RASGRF2: variants seen among roughly 807,000 people sequenced by gnomAD.
The protein encoded by RASGRF2 is ras-specific guanine nucleotide-releasing factor 2.
A neutral mutation model predicts 151.0 loss-of-function variants in RASGRF2; 76 were observed. That is an observed-to-expected ratio of 0.50 (90% confidence interval 0.42 to 0.61). The LOEUF (loss-of-function observed/expected upper bound fraction) is 0.61, where lower values mean the gene tolerates loss of function less well. RASGRF2 is among the 20% of genes least tolerant of loss of function. The probability of loss-of-function intolerance (pLI) is 0.00; values close to 1 mark genes in which losing one functional copy is unlikely to be tolerated. For missense variants in RASGRF2, 1,148 were observed against 1,564.6 expected, an observed-to-expected ratio of 0.73 and a Z score of 4.49; for synonymous variants, 504 against 566.5, an observed-to-expected ratio of 0.89 and a Z score of 1.57.
chr5:81,188,727 CA>C (rs1457984752), intron 18 of RASGRF2, among the ~76,000 whole-genome samples: 1 of 152,112 alleles, frequency 6.6e-6, no homozygotes, highest in Non-Finnish European at 1.5e-5. Flanking sequence ...TTGTTATTAC[CA>C]CTGCTTTACA....
chr5:81,058,775 C>CAAAAAA (rs56875865), intron 2 of RASGRF2, among the ~76,000 whole-genome samples: 33 of 70,092 alleles, frequency 4.7e-4, no homozygotes, highest in African/African-American at 7.5e-4. Context: ...GGCCCTGTAT[C>CAAAAAA]AAAAAAAAAA....
chr5:81,048,976 A>G (rs1049730271), intron 2 of RASGRF2, among the ~76,000 whole-genome samples: 5 of 152,176 alleles, frequency 3.3e-5, no homozygotes, highest in Admixed American at 3.3e-4. Flanking sequence ...TTGCTCTCCT[A>G]GGCACGCAGC....
chr5:81,094,548 A>G (rs1752489005), intron 11 of RASGRF2, among the ~76,000 whole-genome samples, 186 bp downstream of exon 11: 1 of 152,216 alleles, frequency 6.6e-6, no homozygotes, highest in Admixed American at 6.5e-5. Flanking sequence ...ATTCAGTGGC[A>G]GATAGAGAAG....
intron 3 of RASGRF2, among the ~76,000 whole-genome samples, chr5:81,068,600 T>G (rs1580276761): frequency 6.6e-6 from 1 of 152,182 alleles, no homozygotes; most frequent in Non-Finnish European, 1.5e-5. Flanking sequence ...CTCTTTTAGA[T>G]TTGAAGGAGT....
At chr5:81,144,306 G>A (rs1753953718) in intron 17 of RASGRF2, among the ~76,000 whole-genome samples, 1 of 152,190 alleles carries the variant, frequency 6.6e-6, no homozygotes, top group African/African-American at 2.4e-5. Context: ...AAACTTCTAA[G>A]GTCTATGGTA....
intron 1 of RASGRF2, among the ~76,000 whole-genome samples, chr5:80,979,245 T>A (rs1201362287): frequency 6.6e-6 from 1 of 152,124 alleles, no homozygotes; most frequent in Non-Finnish European, 1.5e-5. Context: ...ATTGAAAAAA[T>A]TCAACATAAG....
intron 1 of RASGRF2, among the ~76,000 whole-genome samples, chr5:80,986,919 G>A (rs1748489446): frequency 6.6e-6 from 1 of 152,076 alleles, no homozygotes; most frequent in Non-Finnish European, 1.5e-5. Flanking sequence ...CCAGAACCTT[G>A]AAGCCCTCGG....
intron 23 of RASGRF2, among the ~76,000 whole-genome samples, chr5:81,213,627 C>T (rs980697660): frequency 1.1e-4 from 17 of 152,188 alleles, no homozygotes; most frequent in African/African-American, 4.1e-4. Context: ...TATTTCTTTT[C>T]CATCTTCATT....
intron 1 of RASGRF2, chr5:80,997,230 C>T (rs1748913124): frequency 6.6e-6 from 1 of 152,168 alleles, no homozygotes; most frequent in South Asian, 2.1e-4. Context: ...GATTTGACTT[C>T]ATCATCTAGC....
chr5:81,127,651 C>A (rs1753494643), intron 17 of RASGRF2, among the ~76,000 whole-genome samples: 1 of 152,100 alleles, frequency 6.6e-6, no homozygotes, highest in Non-Finnish European at 1.5e-5. Context: ...TGGCCAGGCA[C>A]AGTGGCTCAC....
chr5:81,084,519 G>T (rs899565962), intron 7 of RASGRF2, among the ~76,000 whole-genome samples: 2 of 152,282 alleles, frequency 1.3e-5, no homozygotes, highest in African/African-American at 4.8e-5. Context: ...GGGCCTATTT[G>T]TGCTTCCTGA....
At chr5:81,062,902 G>T (rs1751487528) in intron 2 of RASGRF2, among the ~76,000 whole-genome samples, 1 of 151,946 alleles carries the variant, frequency 6.6e-6, no homozygotes, top group African/African-American at 2.4e-5. Context: ...TTCCTGTCTT[G>T]TCCTGGTACT....
At chr5:80,996,600 T>C (rs1261430090) in intron 1 of RASGRF2, among the ~76,000 whole-genome samples, 65 of 114,590 alleles carry the variant, frequency 5.7e-4, no homozygotes, top group Non-Finnish European at 1.0e-3. Flanking sequence ...TTCTTTTTTT[T>C]TTTTTGACAC....
intron 1 of RASGRF2, among the ~76,000 whole-genome samples, chr5:81,027,783 A>G (rs1750087851): frequency 6.6e-6 from 1 of 152,240 alleles, no homozygotes; most frequent in Non-Finnish European, 1.5e-5. Context: ...TAAACTCTGC[A>G]GCAGGCAGAG....
intron 1 of RASGRF2, among the ~76,000 whole-genome samples, chr5:81,024,704 C>T (rs777400391): frequency 1.4e-4 from 21 of 152,134 alleles, no homozygotes; most frequent in East Asian, 5.8e-4. Context: ...TTTTTCAGAG[C>T]GGCTCTGTGG....
chr5:81,123,854 C>A (rs1028319505), intron 16 of RASGRF2, 87 bp downstream of exon 16: 1 of 1,412,194 alleles, frequency 7.1e-7, no homozygotes, highest in South Asian at 1.5e-5. Context: ...TGTTTCACTG[C>A]CAAAATAATT....
At position 81,061,440 on chromosome 5, in the gene RASGRF2, C is replaced by A. The variant is rs74886145; in HGVS notation, c.396-6592C>A. Among the ~76,000 whole-genome samples, 589 of 151,746 alleles carry A rather than the reference C, an allele frequency of 3.9e-3. 1 individual carries two copies. The highest frequency in any genetic ancestry group is 0.014 in the African/African-American group (577 of 41,372). ...ATCTATTTACTATATCTTTGTTAGC[C>A]CTGAGTACTATTTTTCTAAAAATCT... On this transcript the variant is annotated intron_variant, in intron 2 of 26. Transcript: ENST00000265080.
At chr5:81,157,212 G>T (rs974577850) in intron 17 of RASGRF2, among the ~76,000 whole-genome samples, 22 of 152,044 alleles carry the variant, frequency 1.4e-4, no homozygotes, top group African/African-American at 5.3e-4. Context: ...ACATTAGCCA[G>T]GTGCGGTGGT....
chr5:81,143,704 A>G (rs1484135355), intron 17 of RASGRF2, among the ~76,000 whole-genome samples: 2 of 151,942 alleles, frequency 1.3e-5, no homozygotes, highest in African/African-American at 4.8e-5. Context: ...AGCCTGGCCA[A>G]CATGGTGAAA....
Sources: allele counts gnomAD v4.1 joint callset (sites outside exome capture counted in the v4.1 genomes callset), GRCh38; gene constraint gnomAD v4.1.1; transcripts MANE v1.5; gene names NCBI Gene and HGNC (gene_info 2026-07-23, HGNC 2026-07-21).